The following MINDY3 variants were observed in gnomAD, a reference collection of about 807,000 sequenced individuals.
MINDY3 encodes the protein MINDY lysine 48 deubiquitinase 3, also known as ubiquitin carboxyl-terminal hydrolase MINDY-3.
Under a neutral mutation model 69.2 loss-of-function variants are expected in MINDY3, and 38 were observed. That is an observed-to-expected ratio of 0.55 (90% CI 0.42 to 0.72). The LOEUF (loss-of-function observed/expected upper bound fraction) is 0.72, where lower values mean the gene tolerates loss of function less well. Ranked by LOEUF, MINDY3 falls within the 30% of genes least tolerant of loss-of-function variation. MINDY3 has a pLI of 0.00. For missense variants in MINDY3, 522 were observed against 519.0 expected (o/e 1.01, Z -0.06); for synonymous variants, 192 against 180.1 (o/e 1.07, Z -0.53).
intron 2 of MINDY3, among the ~76,000 whole-genome samples, chr10:15,846,335 G>A (rs1833841830): frequency 6.6e-6 from 1 of 152,020 alleles, no homozygotes; most frequent in East Asian, 1.9e-4. Flanking sequence ...TGACCAAGAG[G>A]GGCAGTATTT....
intron 10 of MINDY3, among the ~76,000 whole-genome samples, chr10:15,809,379 C>G (rs1214210853): frequency 6.6e-6 from 1 of 152,082 alleles, no homozygotes; most frequent in Non-Finnish European, 1.5e-5. Flanking sequence ...TTCTGTATTC[C>G]TTAAGCGTCT....
At chr10:15,843,319 C>T (rs570667293) in intron 2 of MINDY3, 47 bp from the exon 3 acceptor site, 9 of 1,395,758 alleles carry the variant, frequency 6.4e-6, no homozygotes, top group South Asian at 2.3e-5. Context: ...TATAACCATA[C>T]ATCATATCAT....
intron 6 of MINDY3, among the ~76,000 whole-genome samples, chr10:15,836,432 T>A (rs1833089339): frequency 6.6e-6 from 1 of 152,012 alleles, no homozygotes; most frequent in Admixed American, 6.6e-5. Context: ...GCTAAATAGA[T>A]ACCATTAAAA....
intron 14 of MINDY3, among the ~76,000 whole-genome samples, chr10:15,779,801 G>T (rs1588489558): frequency 6.6e-6 from 1 of 152,294 alleles, no homozygotes; most frequent in East Asian, 1.9e-4. Flanking sequence ...AAACTAACCA[G>T]ATACTGTATA....
At chr10:15,821,294 T>C (rs1025741055) in intron 9 of MINDY3, among the ~76,000 whole-genome samples, 1 of 152,188 alleles carries the variant, frequency 6.6e-6, no homozygotes, top group Non-Finnish European at 1.5e-5. Flanking sequence ...TACCAGTTGT[T>C]TTAGTGAAGC....
chr10:15,829,879 A>C (rs1840340895), intron 8 of MINDY3, among the ~76,000 whole-genome samples: 1 of 152,152 alleles, frequency 6.6e-6, no homozygotes, highest in African/African-American at 2.4e-5. Context: ...AGGCTCAGAT[A>C]ATTTAGCAGT....
intron 1 of MINDY3, among the ~76,000 whole-genome samples, chr10:15,853,660 CT>C (rs1655631724): frequency 6.6e-6 from 1 of 151,824 alleles, no homozygotes; most frequent in African/African-American, 2.4e-5. Context: ...ATGCTACATA[CT>C]GGGTATGATG....
chr10:15,828,327 C>T (rs1176380790), intron 8 of MINDY3, among the ~76,000 whole-genome samples: 3 of 152,048 alleles, frequency 2.0e-5, no homozygotes, highest in Non-Finnish European at 2.9e-5. Flanking sequence ...CACCAAAGAC[C>T]GGATAGCGTA....
chr10:15,782,248 T>C, intron 13 of MINDY3, 22 bp from the exon 14 acceptor site: 1 of 1,475,992 alleles, frequency 6.8e-7, no homozygotes, highest in African/African-American at 1.4e-5. Flanking sequence ...AAAGGACTAT[T>C]AACACTTTAA....
chr10:15,834,654 T>G (rs1209570905), intron 6 of MINDY3, 38 bp from the exon 7 acceptor site: 14 of 1,427,836 alleles, frequency 9.8e-6, no homozygotes, highest in Non-Finnish European at 1.2e-5. Context: ...TTTAAAAAAC[T>G]AAAATGAAAA....
chr10:15,834,841 G>T (rs1279920629), intron 6 of MINDY3, among the ~76,000 whole-genome samples: 1 of 151,954 alleles, frequency 6.6e-6, no homozygotes, highest in African/African-American at 2.4e-5. Flanking sequence ...CAACACTCAT[G>T]GGTGAAATAT....
chr10:15,821,521 G>T (rs1564495101), intron 9 of MINDY3, 135 bp downstream of exon 9: 2 of 581,670 alleles, frequency 3.4e-6, no homozygotes, highest in East Asian at 2.9e-5. Flanking sequence ...TTTAGGGTGG[G>T]GGATAGGAAG....
At chr10:15,851,308 T>C (rs1355229057) in intron 1 of MINDY3, among the ~76,000 whole-genome samples, 2 of 152,102 alleles carry the variant, frequency 1.3e-5, no homozygotes, top group Non-Finnish European at 2.9e-5. Context: ...TTCCCAAATA[T>C]AGCCCAGATT....
intron 13 of MINDY3, among the ~76,000 whole-genome samples, chr10:15,785,581 T>C (rs1039610821): frequency 6.8e-6 from 1 of 146,104 alleles, no homozygotes; most frequent in Non-Finnish European, 1.5e-5. Flanking sequence ...GATATCACAC[T>C]GAAGGGTCTA....
At chr10:15,832,120 G>A (rs746035679) in intron 8 of MINDY3, among the ~76,000 whole-genome samples, 1 of 152,150 alleles carries the variant, frequency 6.6e-6, no homozygotes, top group Non-Finnish European at 1.5e-5. Context: ...GTAAGCTATC[G>A]AGAATCCGGA....
intron 3 of MINDY3, among the ~76,000 whole-genome samples, chr10:15,842,020 G>A (rs1833503002): frequency 6.6e-6 from 1 of 151,552 alleles, no homozygotes; most frequent in South Asian, 2.1e-4. Context: ...TAACGTCTAT[G>A]ATCACCCCGT....
At position 15,841,671 on chromosome 10, in the gene MINDY3, A is replaced by C. The variant is rs920390835; in HGVS notation, c.236-72T>G. On this transcript the variant is annotated intron_variant, in intron 3 of 14. Transcript: ENST00000277632. ...AAAAAATTCTGTCATGAATAACAAT[A>C]GTAAGAATGGGTTAATGATGAAAAT... 9.9e-6 allele frequency: 9 copies of C among 910,990 alleles called. No individual in the cohort carries two copies. In the Admixed American group the frequency reaches 1.0e-4, roughly 10 times the overall value. 56.4% of individuals were successfully genotyped at this position (910,990 alleles called of 1,614,324 possible).
At chr10:15,792,447 C>G (rs1029532095) in intron 11 of MINDY3, among the ~76,000 whole-genome samples, 1 of 152,052 alleles carries the variant, frequency 6.6e-6, no homozygotes, top group Middle Eastern at 3.2e-3. Context: ...TATGGTGGCA[C>G]TATACAGAAA....
intron 1 of MINDY3, among the ~76,000 whole-genome samples, chr10:15,857,700 C>A (rs1236875318): frequency 6.6e-6 from 1 of 152,106 alleles, no homozygotes; most frequent in East Asian, 1.9e-4. Context: ...AAAAAAAACA[C>A]CCCGCATTTT....
Sources: gnomAD v4.1 joint callset for allele counts (sites outside exome capture counted in the v4.1 genomes callset) on GRCh38, gnomAD v4.1.1 for gene constraint, MANE v1.5 for transcripts, NCBI Gene and HGNC (gene_info 2026-07-23, HGNC 2026-07-21) for gene names.